BNIP3L: variants seen among roughly 807,000 people sequenced by gnomAD.
BNIP3L encodes the protein BCL2/adenovirus E1B 19 kDa protein-interacting protein 3-like.
Under a neutral mutation model 25.5 loss-of-function variants are expected in BNIP3L, and 10 were observed. The ratio of observed to expected loss-of-function variants is 0.39; its 90% CI spans 0.24 to 0.67. The LOEUF (loss-of-function observed/expected upper bound fraction) is 0.67. BNIP3L is among the 30% of genes least tolerant of loss of function. The probability of loss-of-function intolerance (pLI) is 0.45; values close to 1 mark genes in which losing one functional copy is unlikely to be tolerated. For synonymous variants in BNIP3L, 113 were observed against 101.2 expected (o/e 1.12, Z -0.70); for missense variants, 215 against 270.9 (o/e 0.79, Z 1.45).
At chr8:26,393,946 G>T (rs1047379000) in intron 2 of BNIP3L, among the ~76,000 whole-genome samples, 1 of 152,034 alleles carries the variant, frequency 6.6e-6, no homozygotes, top group African/African-American at 2.4e-5. Context: ...AATTTCTGAC[G>T]ATCTTATTTC....
intron 1 of BNIP3L, among the ~76,000 whole-genome samples, chr8:26,385,286 T>TAAC (rs547836281): frequency 2.0e-5 from 3 of 151,394 alleles, no homozygotes; most frequent in South Asian, 4.2e-4. Flanking sequence ...TTTGACCCTT[T>TAAC]AACAACAACA....
At chr8:26,403,278 C>CT (rs970677491) in intron 3 of BNIP3L, among the ~76,000 whole-genome samples, 2 of 151,822 alleles carry the variant, frequency 1.3e-5, no homozygotes, top group Admixed American at 6.6e-5. Flanking sequence ...TTGACATTGC[C>CT]TTTTTTTAAT....
intron 1 of BNIP3L, among the ~76,000 whole-genome samples, chr8:26,388,133 A>T (rs1277326567): frequency 2.0e-5 from 3 of 152,198 alleles, no homozygotes; most frequent in Non-Finnish European, 4.4e-5. Flanking sequence ...CTCCTTTGGG[A>T]GTAGGAACGG....
intron 3 of BNIP3L, among the ~76,000 whole-genome samples, chr8:26,398,643 T>A (rs1365613963): frequency 8.0e-6 from 1 of 125,476 alleles, no homozygotes; most frequent in Non-Finnish European, 1.7e-5. Context: ...CTGAAGGAAA[T>A]AGAGACACAA....
chr8:26,389,686 G>A (rs566540788), intron 1 of BNIP3L, among the ~76,000 whole-genome samples: 4 of 152,188 alleles, frequency 2.6e-5, no homozygotes, highest in Non-Finnish European at 5.9e-5. Context: ...CTACTAAATC[G>A]TCACAGCACC....
chr8:26,390,401 T>G (rs1182644978), intron 1 of BNIP3L: 1 of 985,328 alleles, frequency 1.0e-6, no homozygotes, highest in South Asian at 4.7e-5. Context: ...AGAAAACTTT[T>G]CGTGTTTGCC....
intron 2 of BNIP3L, among the ~76,000 whole-genome samples, chr8:26,392,411 A>G (rs917927743): frequency 6.6e-6 from 1 of 152,238 alleles, no homozygotes; most frequent in Non-Finnish European, 1.5e-5. Flanking sequence ...TGTATTTTGT[A>G]AAAATTGTGT....
chr8:26,387,005 A>G (rs991004744), intron 1 of BNIP3L, among the ~76,000 whole-genome samples: 2 of 152,208 alleles, frequency 1.3e-5, no homozygotes, highest in Admixed American at 1.3e-4. Context: ...GCTTTGAGGA[A>G]AGAATGTAAA....
intron 3 of BNIP3L, 60 bp from the exon 4 acceptor site, chr8:26,407,940 C>A (rs1315602376): frequency 6.9e-7 from 1 of 1,454,174 alleles, no homozygotes; most frequent in East Asian, 2.3e-5. Flanking sequence ...CTAGATTTTT[C>A]TTTGTATTAG....
At chr8:26,385,967 T>A (rs1399161278) in intron 1 of BNIP3L, among the ~76,000 whole-genome samples, 1 of 152,168 alleles carries the variant, frequency 6.6e-6, no homozygotes, top group Non-Finnish European at 1.5e-5. Context: ...TTTTGGGCAA[T>A]GGGCAAAACA....
chr8:26,395,199 A>T, intron 2 of BNIP3L, 31 bp from the exon 3 acceptor site: 3 of 1,607,064 alleles, frequency 1.9e-6, no homozygotes, highest in Non-Finnish European at 2.6e-6. Context: ...AGTGAGAATT[A>T]AAACTAATAG....
chr8:26,390,954 G>C (rs1348172872), intron 1 of BNIP3L, among the ~76,000 whole-genome samples: 1 of 152,118 alleles, frequency 6.6e-6, no homozygotes, highest in Non-Finnish European at 1.5e-5. Flanking sequence ...GTTTTCAGTA[G>C]AGTGTTATTA....
rs546656187 is a variant in BNIP3L, at chr8:26,393,273, A to G, written c.284+1847A>G. On this transcript the variant is annotated intron_variant, in intron 2 of 5. Coordinates refer to ENST00000380629, the MANE Select transcript of BNIP3L (RefSeq NM_004331.3). Reference sequence around the variant, plus strand: ...TCAGTCCTAGAGCTGATTTATGTATATTTTCAACTTAAAAATTATTCCATA... The same window carrying G: ...TCAGTCCTAGAGCTGATTTATGTATGTTTTCAACTTAAAAATTATTCCATA... Among the ~76,000 whole-genome samples, 5 of 151,144 alleles carry G rather than the reference A, an allele frequency of 3.3e-5. No homozygotes were observed. In the East Asian group the frequency reaches 7.8e-4, roughly 24 times the overall value.
chr8:26,396,815 C>T (rs1398038871), intron 3 of BNIP3L, among the ~76,000 whole-genome samples: 10 of 129,584 alleles, frequency 7.7e-5, no homozygotes, highest in African/African-American at 2.3e-4. Context: ...TCGAGAACTA[C>T]GTGAAGAATG....
rs978389304 is a variant in BNIP3L at position 26,383,430 on chromosome 8, G to A, written c.100+200G>A. On this transcript the variant is annotated intron_variant, in intron 1 of 5. Transcript: ENST00000380629. ...CTCCGGGCCTCTCTGTTGCCTCCTG[G>A]GGTCTTGGGCCCGGGGCCGTTTGGG... The A allele has an allele frequency of 1.1e-5, 15 of 1,411,788 alleles. No homozygotes were observed. The African/African-American group carries it at 2.1e-4, about 19-fold the overall frequency. 87.5% of individuals were successfully genotyped at this position (1,411,788 alleles called of 1,614,324 possible).
chr8:26,391,900 C>T (rs1442392207), intron 2 of BNIP3L, among the ~76,000 whole-genome samples: 1 of 152,172 alleles, frequency 6.6e-6, no homozygotes. Flanking sequence ...AGTAGACACT[C>T]AGTAAATGTT....
intron 1 of BNIP3L, among the ~76,000 whole-genome samples, chr8:26,386,297 A>G (rs902525743): frequency 6.6e-6 from 1 of 152,238 alleles, no homozygotes; most frequent in South Asian, 2.1e-4. Context: ...TAAGAAAACT[A>G]TCAACTTCCT....
At chr8:26,403,969 G>A (rs1447493019) in intron 3 of BNIP3L, among the ~76,000 whole-genome samples, 1 of 152,218 alleles carries the variant, frequency 6.6e-6, no homozygotes, top group Non-Finnish European at 1.5e-5. Flanking sequence ...AGGATTCAAA[G>A]CAGGTCTGAG....
intron 1 of BNIP3L, among the ~76,000 whole-genome samples, chr8:26,387,925 A>G (rs972098260): frequency 6.6e-6 from 1 of 152,246 alleles, no homozygotes; most frequent in Non-Finnish European, 1.5e-5. Context: ...TTTATAAAAG[A>G]TGAGATGCAA....
Sources: allele counts gnomAD v4.1 joint callset (sites outside exome capture counted in the v4.1 genomes callset), GRCh38; gene constraint gnomAD v4.1.1; transcripts MANE v1.5; gene names NCBI Gene and HGNC (gene_info 2026-07-23, HGNC 2026-07-21).